BBS7: variants seen among roughly 807,000 people sequenced by gnomAD.
BBS7 encodes the protein Bardet-Biedl syndrome 7.
BBS7 carries 50 observed loss-of-function variants against 90.3 expected under a neutral mutation model. The observed-to-expected ratio is 0.55, with a 90% CI of 0.44 to 0.70. BBS7 has a LOEUF of 0.70. BBS7 is among the 30% of genes least tolerant of loss of function. The probability of loss-of-function intolerance (pLI) is 0.00; values close to 1 mark genes in which losing one functional copy is unlikely to be tolerated. For synonymous variants in BBS7, 235 were observed against 287.4 expected, an observed-to-expected ratio of 0.82 and a Z score of 1.85; for missense variants, 729 against 838.9, an observed-to-expected ratio of 0.87 and a Z score of 1.62.
At position 121,835,160 on chromosome 4, in the gene BBS7, A is replaced by C; in HGVS notation, c.1495T>G (p.Phe499Val). 6.2e-7 allele frequency: 1 copy of C among 1,613,920 alleles called. No homozygotes were observed. The highest frequency in any genetic ancestry group is 8.5e-7 in the Non-Finnish European group (1 of 1,179,820). The change falls in exon 14 of 19, where the codon TTT becomes GTT. Residue 499 changes from phenylalanine (F) to valine (V), a missense_variant. Phe to Val is a conservative substitution (Grantham distance 50, BLOSUM62 -1). Coordinates refer to ENST00000264499, the MANE Select transcript of BBS7 (RefSeq NM_176824.3). ...KPLSLHQRTH[F>V]IDHDRPMNTL... The stretch of plus-strand genomic sequence containing the variant: ...TTGTCCTACCTGTCATGATCAATAA[A>C]GTGAGTTCTTTGATGGAGTGAAAGA...
At chr4:121,854,202 G>C (rs994450620) in intron 7 of BBS7, among the ~76,000 whole-genome samples, 2 of 152,048 alleles carry the variant, frequency 1.3e-5, no homozygotes, top group African/African-American at 2.4e-5. Context: ...TTTTTACTCT[G>C]TCTCTCCTAA....
intron 18 of BBS7, chr4:121,827,938 CAAGT>C: frequency 7.4e-7 from 1 of 1,348,890 alleles, no homozygotes; most frequent in Non-Finnish European, 9.5e-7. Context: ...TGCATTTTAT[CAAGT>C]AAAAGAATTA....
chr4:121,865,287 G>A (rs1727200867), intron 2 of BBS7, among the ~76,000 whole-genome samples: 1 of 150,968 alleles, frequency 6.6e-6, no homozygotes, highest in Admixed American at 6.6e-5. Flanking sequence ...CGGCCAGGCT[G>A]GAGTGCAAAG....
In BBS7 at chr4:121,855,486, T is replaced by C. The variant is rs747555346; in HGVS notation, c.601+3A>G. 6.8e-6 allele frequency: 11 copies of C among 1,612,520 alleles called. No individual in the cohort carries two copies. In the Admixed American group the frequency reaches 1.7e-4, roughly 24 times the overall value. On this transcript the variant is annotated splice_donor_region_variant and intron_variant, in intron 6 of 18. Transcript: ENST00000264499. Reference sequence around the variant, plus strand: ...GATTTGTGAAAAATAAAATCCTGATTACCGCCATTTCCATTGTGTAGTGCT... The same window carrying C: ...GATTTGTGAAAAATAAAATCCTGATCACCGCCATTTCCATTGTGTAGTGCT...
intron 18 of BBS7, among the ~76,000 whole-genome samples, chr4:121,827,316 C>A (rs149376919): frequency 3.3e-5 from 5 of 152,236 alleles, no homozygotes; most frequent in African/African-American, 1.2e-4. Flanking sequence ...ACTAGTGATA[C>A]CAATTGGCTC....
intron 5 of BBS7, among the ~76,000 whole-genome samples, chr4:121,857,658 G>A (rs374536955): frequency 1.4e-4 from 22 of 152,216 alleles, no homozygotes; most frequent in African/African-American, 5.3e-4. Context: ...TGGATCTCTT[G>A]TCAAAGCAGA....
Position 121,825,896 on chromosome 4 carries a change from G to A in BBS7, c.2112C>T (p.Asp704=). ...CGAAGAATGAAATCAATGCATTTTG[G>A]TCATAACTGTCCAGAATTTCCAATA... ...PLLLEILDSY[D]QNALISFFDA... The change falls in exon 19 of 19, where the codon GAC becomes GAT. Residue 704 remains aspartate (D), a synonymous_variant. Transcript: ENST00000264499. 1.2e-6 allele frequency: 2 copies of A among 1,613,050 alleles called. No individual in the cohort carries two copies. The highest frequency in any genetic ancestry group is 8.5e-7 in the Non-Finnish European group (1 of 1,179,548).
intron 3 of BBS7, 26 bp from the exon 4 acceptor site, chr4:121,861,705 G>A: frequency 6.2e-7 from 1 of 1,611,906 alleles, no homozygotes; most frequent in Non-Finnish European, 8.5e-7. Flanking sequence ...CAGGAAAAAA[G>A]TACACAAATT....
At chr4:121,864,302 A>G (rs7672640) in intron 2 of BBS7, among the ~76,000 whole-genome samples, 109,094 of 152,046 alleles carry the variant, frequency 0.72, 39,233 homozygotes, top group Admixed American at 0.79. Context: ...CTATTTAAAT[A>G]CCCCTCCTTA....
At chr4:121,849,156 T>A (rs1726175470) in intron 8 of BBS7, among the ~76,000 whole-genome samples, 1 of 152,216 alleles carries the variant, frequency 6.6e-6, no homozygotes, top group African/African-American at 2.4e-5. Flanking sequence ...AGTATATTTG[T>A]GGGTACCACT....
intron 6 of BBS7, among the ~76,000 whole-genome samples, chr4:121,855,187 C>A (rs1048782124): frequency 6.6e-6 from 1 of 151,658 alleles, no homozygotes; most frequent in Non-Finnish European, 1.5e-5. Flanking sequence ...TGGTGGTGTG[C>A]GCCTGTAGTA....
chr4:121,858,951 C>T (rs756480429), intron 5 of BBS7, 41 bp downstream of exon 5: 6 of 1,558,904 alleles, frequency 3.8e-6, no homozygotes, highest in Non-Finnish European at 5.3e-6. Context: ...GATATTCTTT[C>T]ACATAATATA....
At chr4:121,867,729 C>T (rs966480185) in intron 2 of BBS7, among the ~76,000 whole-genome samples, 1 of 152,080 alleles carries the variant, frequency 6.6e-6, no homozygotes, top group Non-Finnish European at 1.5e-5. Flanking sequence ...ACATCTGACA[C>T]ACAGAAAAAA....
intron 15 of BBS7, among the ~76,000 whole-genome samples, chr4:121,831,533 C>CA (rs1725182936): frequency 6.6e-6 from 1 of 151,328 alleles, no homozygotes; most frequent in Admixed American, 6.6e-5. Flanking sequence ...AAAAAATACT[C>CA]AAAGACACAG....
chr4:121,845,017 A>ATAAT (rs1314641731), intron 11 of BBS7, among the ~76,000 whole-genome samples: 1 of 152,238 alleles, frequency 6.6e-6, no homozygotes, highest in Admixed American at 6.5e-5. Context: ...TATAATTCAA[A>ATAAT]TAATCTGTGA....
At chr4:121,832,203 T>C (rs976313579) in intron 15 of BBS7, among the ~76,000 whole-genome samples, 3 of 151,988 alleles carry the variant, frequency 2.0e-5, no homozygotes, top group Non-Finnish European at 2.9e-5. Flanking sequence ...TAGCTGGGCA[T>C]GGTGGTGCAT....
At position 121,854,838 on chromosome 4, in the gene BBS7, C is replaced by T. The variant is rs770513695; in HGVS notation, c.602-18G>A. 6.9e-6 allele frequency: 11 copies of T among 1,601,132 alleles called. No individual in the cohort carries two copies. In the Admixed American group the frequency reaches 8.3e-5, roughly 12 times the overall value. On this transcript the variant is annotated intron_variant, in intron 6 of 18. Coordinates refer to ENST00000264499, the MANE Select transcript of BBS7 (RefSeq NM_176824.3). ...AGAGTCACCTACTTATAATTAAAGT[C>T]AACATATTATATTTATCCTACAATT...
chr4:121,860,454 A>G (rs1201087996), intron 4 of BBS7, among the ~76,000 whole-genome samples: 1 of 152,124 alleles, frequency 6.6e-6, no homozygotes, highest in Non-Finnish European at 1.5e-5. Context: ...AAAATTGAGT[A>G]AAGAACTTTT....
chr4:121,863,934 C>T (rs374336547), intron 2 of BBS7, among the ~76,000 whole-genome samples: 1 of 152,238 alleles, frequency 6.6e-6, no homozygotes, highest in Non-Finnish European at 1.5e-5. Flanking sequence ...AGTTCCAGTA[C>T]GTGGCCTGCT....
Sources: allele counts gnomAD v4.1 joint callset (sites outside exome capture counted in the v4.1 genomes callset), GRCh38; gene constraint gnomAD v4.1.1; transcripts MANE v1.5; gene names NCBI Gene and HGNC (gene_info 2026-07-23, HGNC 2026-07-21).